The following SUPT3H variants were observed in gnomAD, a reference collection of about 807,000 sequenced individuals.
The protein encoded by SUPT3H is SPT3 homolog, SAGA and STAGA complex component.
Under a neutral mutation model 44.3 loss-of-function variants are expected in SUPT3H, and 44 were observed. The observed-to-expected ratio is 0.99, with a 90% confidence interval of 0.78 to 1.28. SUPT3H has a LOEUF of 1.28. SUPT3H is among the 50% of genes most tolerant of loss of function. The pLI, the probability that SUPT3H is intolerant of heterozygous loss-of-function variation, is 0.00. For synonymous variants in SUPT3H, 124 were observed against 125.6 expected, an observed-to-expected ratio of 0.99 and a Z score of 0.09; for missense variants, 380 against 387.1, an observed-to-expected ratio of 0.98 and a Z score of 0.15.
chr6:45,268,729 C>A (rs1431665931), intron 2 of SUPT3H, among the ~76,000 whole-genome samples: 1 of 151,928 alleles, frequency 6.6e-6, no homozygotes, highest in African/African-American at 2.4e-5. Flanking sequence ...CATAACTATT[C>A]AACAAAACTA....
intron 9 of SUPT3H, among the ~76,000 whole-genome samples, chr6:44,946,955 G>C (rs552059850): frequency 2.6e-5 from 4 of 152,242 alleles, no homozygotes; most frequent in Admixed American, 2.6e-4. Context: ...CCTATCTTAA[G>C]ATATTGCCAC....
intron 2 of SUPT3H, among the ~76,000 whole-genome samples, chr6:45,348,421 C>G (rs1168486395): frequency 2.7e-5 from 4 of 150,648 alleles, no homozygotes; most frequent in Non-Finnish European, 4.4e-5. Context: ...AATCCCAGCA[C>G]TTTGGGAGGC....
chr6:45,078,132 C>CA (rs1795268133), intron 3 of SUPT3H, among the ~76,000 whole-genome samples: 1 of 152,196 alleles, frequency 6.6e-6, no homozygotes, highest in African/African-American at 2.4e-5. Context: ...CTTGGCCTCC[C>CA]AAAGTGCTGG....
At chr6:45,137,584 T>A (rs1044291128) in intron 2 of SUPT3H, among the ~76,000 whole-genome samples, 1 of 151,946 alleles carries the variant, frequency 6.6e-6, no homozygotes, top group African/African-American at 2.4e-5. Context: ...ACAATTAAGG[T>A]ATTATTCTGC....
intron 1 of SUPT3H, among the ~76,000 whole-genome samples, chr6:45,367,812 T>C (rs937959206): frequency 3.3e-5 from 5 of 152,206 alleles, no homozygotes; most frequent in Admixed American, 1.3e-4. Context: ...CCTAGTTTAT[T>C]ATAACCATGA....
intron 2 of SUPT3H, among the ~76,000 whole-genome samples, chr6:45,275,708 G>A (rs1199684057): frequency 1.3e-5 from 2 of 152,036 alleles, no homozygotes; most frequent in Non-Finnish European, 2.9e-5. Context: ...ACTTTGGTTA[G>A]GTAAGTTGTT....
At chr6:44,810,563 A>G (rs1479692218) in intron 11 of SUPT3H, among the ~76,000 whole-genome samples, 3 of 151,670 alleles carry the variant, frequency 2.0e-5, no homozygotes, top group Non-Finnish European at 2.9e-5. Flanking sequence ...ATATCACCCC[A>G]AAATGGATGT....
chr6:45,302,580 C>T (rs1212617810), intron 2 of SUPT3H, among the ~76,000 whole-genome samples: 2 of 128,954 alleles, frequency 1.6e-5, no homozygotes, highest in Non-Finnish European at 3.2e-5. Flanking sequence ...TATTTATCTA[C>T]TTATTGATTG....
At chr6:45,221,043 A>C (rs1205093934) in intron 2 of SUPT3H, among the ~76,000 whole-genome samples, 1 of 152,242 alleles carries the variant, frequency 6.6e-6, no homozygotes, top group Non-Finnish European at 1.5e-5. Flanking sequence ...CTATGCAGCC[A>C]TAAAAAATGA....
chr6:45,283,323 G>T (rs1236563887), intron 2 of SUPT3H, among the ~76,000 whole-genome samples: 2 of 152,128 alleles, frequency 1.3e-5, no homozygotes, highest in Non-Finnish European at 2.9e-5. Flanking sequence ...CCATCAGTGT[G>T]CTGTATTCAG....
chr6:45,198,285 T>C (rs953952150), intron 2 of SUPT3H, among the ~76,000 whole-genome samples: 1 of 151,150 alleles, frequency 6.6e-6, no homozygotes, highest in Non-Finnish European at 1.5e-5. Flanking sequence ...AAATACTGAG[T>C]GTCATTTTGT....
At position 44,926,188 on chromosome 6, in the gene SUPT3H, T is replaced by C. The variant is rs1562059513; in HGVS notation, c.912+6465A>G. On this transcript the variant is annotated intron_variant, in intron 10 of 10. Coordinates refer to ENST00000371459, the MANE Select transcript of SUPT3H (RefSeq NM_003599.4). ...ATTTTGATATTTAGTTTTTATATTA[T>C]AGAAACTCTCATTCCATATATTAGA... 3.3e-5 allele frequency among the ~76,000 whole-genome samples: 5 copies of C among 152,130 alleles called. No individual in the cohort carries two copies. In the South Asian group the frequency reaches 1.0e-3, roughly 31 times the overall value.
intron 10 of SUPT3H, among the ~76,000 whole-genome samples, chr6:44,862,895 T>TA (rs767899433): frequency 5.3e-5 from 8 of 151,990 alleles, no homozygotes; most frequent in African/African-American, 1.5e-4. Context: ...TTTCAAAAAC[T>TA]AAAAAATCCC....
At position 45,177,290 on chromosome 6, in the gene SUPT3H, A is replaced by G. The variant is rs948891727; in HGVS notation, c.102-71284T>C. 5.9e-5 allele frequency among the ~76,000 whole-genome samples: 9 copies of G among 152,348 alleles called. No individual in the cohort carries two copies. In the South Asian group the frequency reaches 6.2e-4, roughly 11 times the overall value. ...GAAGAATGCAGAAGCCTCAGGAGCC[A>G]ATGCGATCAACTGGAAGAAAGGGTA... On this transcript the variant is annotated intron_variant, in intron 2 of 10. Transcript: ENST00000371459.
At chr6:45,079,387 G>A (rs572447215) in intron 3 of SUPT3H, among the ~76,000 whole-genome samples, 1 of 149,484 alleles carries the variant, frequency 6.7e-6, no homozygotes, top group Non-Finnish European at 1.5e-5. Context: ...GAGGAGAAGT[G>A]GAAGAAGGAA....
chr6:44,884,979 G>A (rs1297913058), intron 10 of SUPT3H, among the ~76,000 whole-genome samples: 18 of 152,274 alleles, frequency 1.2e-4, no homozygotes, highest in East Asian at 1.9e-4. Flanking sequence ...CACCTGGCTC[G>A]GAGGGTCCTA....
At chr6:45,016,635 T>C (rs1282427790) in intron 4 of SUPT3H, among the ~76,000 whole-genome samples, 3 of 151,830 alleles carry the variant, frequency 2.0e-5, no homozygotes, top group African/African-American at 7.3e-5. Flanking sequence ...AGAATGATGA[T>C]TTCCAATTTC....
At chr6:45,361,715 C>T (rs965891397) in intron 2 of SUPT3H, 3 of 152,176 alleles carry the variant, frequency 2.0e-5, no homozygotes, top group African/African-American at 7.2e-5. Context: ...ATCATCCCAA[C>T]CCACTAACAC....
At chr6:45,117,098 C>T (rs916533491) in intron 2 of SUPT3H, among the ~76,000 whole-genome samples, 2 of 151,918 alleles carry the variant, frequency 1.3e-5, no homozygotes, top group African/African-American at 4.8e-5. Context: ...TATTTAGGTC[C>T]TACCCAAGTT....
Sources: allele counts gnomAD v4.1 joint callset (sites outside exome capture counted in the v4.1 genomes callset), GRCh38; gene constraint gnomAD v4.1.1; transcripts MANE v1.5; gene names NCBI Gene and HGNC (gene_info 2026-07-23, HGNC 2026-07-21).